HK1: variants seen among roughly 807,000 people sequenced by gnomAD.
The protein encoded by HK1 is hexokinase-1.
In HK1, 28 loss-of-function variants were observed where a neutral mutation model predicts 91.6. The observed-to-expected ratio is 0.31, with a 90% CI of 0.23 to 0.42. The LOEUF (loss-of-function observed/expected upper bound fraction) is 0.42, where lower values mean the gene tolerates loss of function less well. Ranked by LOEUF, HK1 falls within the 10% of genes least tolerant of loss-of-function variation. The probability of loss-of-function intolerance (pLI) is 1.00; values close to 1 mark genes in which losing one functional copy is unlikely to be tolerated. For synonymous variants in HK1, 430 were observed against 468.1 expected (o/e 0.92, Z 1.05); for missense variants, 770 against 1,219.8 (o/e 0.63, Z 5.49).
At chr10:69,367,280 C>T (rs1454724751) in intron 4 of HK1, among the ~76,000 whole-genome samples, 1 of 152,192 alleles carries the variant, frequency 6.6e-6, no homozygotes, top group Non-Finnish European at 1.5e-5. Flanking sequence ...CCCTCAATTT[C>T]CCATCCAGAG....
Position 69,382,548 on chromosome 10 carries a change from C to A in HK1, c.1327C>A (p.Leu443Ile), listed in dbSNP as rs774586043. Residue 443 changes from leucine (L) to isoleucine (I), a missense_variant, in exon 10 of 18, where the codon CTC becomes ATC. By Grantham distance (5) the Leu-to-Ile change is conservative. Coordinates refer to ENST00000359426, the MANE Select transcript of HK1 (RefSeq NM_000188.3). ...GGTGCCAGACTCCGATGTGCGCTTCCTCCTCTCGGAGAGTGGCAGCGGCAA... is the reference window on the plus strand; with the variant it reads ...GGTGCCAGACTCCGATGTGCGCTTCATCCTCTCGGAGAGTGGCAGCGGCAA... ...RLVPDSDVRFLLSESGSGKGA... is the reference protein window; with the variant it reads ...RLVPDSDVRFILSESGSGKGA... 6.2e-7 allele frequency: 1 copy of A among 1,614,210 alleles called. No individual in the cohort carries two copies. The highest frequency in any genetic ancestry group is 1.7e-5 in the Admixed American group (1 of 60,028).
intron 2 of HK1, among the ~76,000 whole-genome samples, chr10:69,355,680 T>C (rs973383580): frequency 3.9e-5 from 6 of 152,076 alleles, no homozygotes; most frequent in Non-Finnish European, 8.8e-5. Flanking sequence ...TAATCCTAGC[T>C]ACTTGGGAGG....
chr10:69,283,174 C>T (rs111866111), intron 2 of HK1, among the ~76,000 whole-genome samples: 15,219 of 140,724 alleles, frequency 0.11, 1,589 homozygotes, highest in African/African-American at 0.27. Flanking sequence ...TGGCAGGGTG[C>T]GGTGGCTCAC....
chr10:69,273,708 C>T (rs1192448691), intron 1 of HK1, among the ~76,000 whole-genome samples: 1 of 152,200 alleles, frequency 6.6e-6, no homozygotes, highest in African/African-American at 2.4e-5. Context: ...TTTTTTTCTG[C>T]TGTGGCCAAC....
intron 3 of HK1, among the ~76,000 whole-genome samples, chr10:69,293,855 C>CTTTTTTTTTTTTTTTTTTTT (rs34434447): frequency 1.0e-5 from 1 of 98,980 alleles, no homozygotes; most frequent in African/African-American, 4.1e-5. Flanking sequence ...ATATTTCTTT[C>CTTTTTTTTTTTTTTTTTTTT]TTTTTTTTTT....
rs895258156 is a variant in HK1, at chr10:69,380,802, C to G, written c.1265+707C>G. 6.6e-6 allele frequency among the ~76,000 whole-genome samples: 1 copy of G among 152,136 alleles called. No homozygotes were observed. Among genetic ancestry groups the G allele is most frequent in the Admixed American group, 6.5e-5 (1 of 15,274 alleles). ...GCCATGTTGTCCTGTGAGAACGTGG[C>G]TTATACTTTTTTTAAAAGGCTAAAG... On this transcript the variant is annotated intron_variant, in intron 9 of 17. Coordinates refer to ENST00000359426, the MANE Select transcript of HK1 (RefSeq NM_000188.3). The surrounding 1 kb of genome is among the most constrained non-coding windows in gnomAD (Gnocchi z 4.0).
In HK1 at chr10:69,369,911, T is replaced by C. The variant is rs1249542214; in HGVS notation, c.875+287T>C. 6.6e-6 allele frequency among the ~76,000 whole-genome samples: 1 copy of C among 152,142 alleles called. No individual in the cohort carries two copies. Among genetic ancestry groups the C allele is most frequent in the Non-Finnish European group, 1.5e-5 (1 of 68,028 alleles). On this transcript the variant is annotated intron_variant, in intron 7 of 17. Coordinates refer to ENST00000359426, the MANE Select transcript of HK1 (RefSeq NM_000188.3). The surrounding 1 kb of genome is among the most constrained non-coding windows in gnomAD (Gnocchi z 4.4). ...CATCACCATGCCCAGCTAATTTTTG[T>C]ATTTTTAGTAGAGACAGAGTTTCAC... is the stretch of plus-strand genomic sequence containing the variant.
In HK1 at chr10:69,379,959, A is replaced by C. The variant is rs754185312; in HGVS notation, c.1129A>C (p.Ile377Leu). ...TGTCTCAGTCCAGCACGTTTGCACCATTGTCTCATTTCGCTCAGCCAACTT... is the reference window on the plus strand; with the variant it reads ...TGTCTCAGTCCAGCACGTTTGCACCCTTGTCTCATTTCGCTCAGCCAACTT... ...DCVSVQHVCT[I>L]VSFRSANLVA... Residue 377 changes from isoleucine (I) to leucine (L), a missense_variant, in exon 9 of 18, where the codon ATT becomes CTT. Ile to Leu is a conservative substitution (Grantham distance 5). Coordinates refer to ENST00000359426, the MANE Select transcript of HK1 (RefSeq NM_000188.3). The C allele has an allele frequency of 3.1e-6, 5 of 1,614,170 alleles. No homozygotes were observed. The highest frequency in any genetic ancestry group is 4.2e-6 in the Non-Finnish European group (5 of 1,180,024).
intron 9 of HK1, among the ~76,000 whole-genome samples, chr10:69,381,295 AAGAG>A (rs894096064): frequency 2.6e-5 from 4 of 152,154 alleles, no homozygotes; most frequent in African/African-American, 9.7e-5. Context: ...CAAAAAAAGA[AAGAG>A]AGAGAAATAG....
chr10:69,276,103 AAAAAAAAAAAAAAAAATAC>A lies in HK1; in HGVS notation c.-391+5997_-391+6015del, dbSNP rs2132410714. Among the ~76,000 whole-genome samples the A allele has an allele frequency of 3.6e-5, 2 of 54,806 alleles. 1 individual carries two copies. Among genetic ancestry groups the A allele is most frequent in the South Asian group, 1.3e-3 (2 of 1,514 alleles). The allele number at this position is 54,806 out of a possible 152,430, so 36.0% of individuals were successfully genotyped here. A position where few individuals can be genotyped will look rare whatever the true frequency, so the allele number is the denominator to read the frequency against. On this transcript the variant is annotated intron_variant, in intron 1 of 21. Coordinates refer to the HK1 transcript ENST00000360289. Reference sequence around the variant, plus strand: ...AAAACTCCTTTTCAAAAAAAAAAAAAAAAAAAAAAAAAAAAATACATATATATATATATATACACATATA... The same window carrying A: ...AAAACTCCTTTTCAAAAAAAAAAAAAATATATATATATATATACACATATA...
At chr10:69,325,329 G>T (rs569464239) in intron 1 of HK1, among the ~76,000 whole-genome samples, 1 of 150,768 alleles carries the variant, frequency 6.6e-6, no homozygotes, top group East Asian at 2.0e-4. Flanking sequence ...GGGATTACAG[G>T]TGTGAGCCAC....
At chr10:69,374,397 T>TG (rs1291878375) in intron 7 of HK1, among the ~76,000 whole-genome samples, 1 of 152,232 alleles carries the variant, frequency 6.6e-6, no homozygotes, top group African/African-American at 2.4e-5. Context: ...ACTGCCTGTC[T>TG]GTGGTCGTAG....
At chr10:69,349,359 CTT>C (rs1848725496) in intron 2 of HK1, among the ~76,000 whole-genome samples, 1 of 152,112 alleles carries the variant, frequency 6.6e-6, no homozygotes, top group Admixed American at 6.6e-5. Flanking sequence ...AAATGAGAGT[CTT>C]TGGAAACTGC....
upstream of HK1, chr10:69,318,750 C>A: frequency 1.9e-6 from 2 of 1,066,406 alleles, no homozygotes; most frequent in Non-Finnish European, 2.5e-6. Flanking sequence ...GGTCGGCTGG[C>A]GGCTGTCACC....
chr10:69,339,011 G>A (rs1443158031), intron 1 of HK1, among the ~76,000 whole-genome samples: 5 of 152,130 alleles, frequency 3.3e-5, no homozygotes, highest in African/African-American at 9.7e-5. Context: ...TCAACCCACT[G>A]CCCATTCCCA....
At chr10:69,360,141 T>C (rs1347003820) in intron 3 of HK1, 96 bp downstream of exon 3, 3 of 1,208,432 alleles carry the variant, frequency 2.5e-6, no homozygotes, top group South Asian at 1.2e-5. Flanking sequence ...CCCAAGCCCC[T>C]GGAAGAGGGT....
chr10:69,306,604 T>C (rs953672861), intron 5 of HK1, among the ~76,000 whole-genome samples: 1 of 152,140 alleles, frequency 6.6e-6, no homozygotes, highest in African/African-American at 2.4e-5. Flanking sequence ...CATTTTTACA[T>C]AAGTAAAGTA....
intron 2 of HK1, among the ~76,000 whole-genome samples, chr10:69,354,201 G>A (rs1258973398): frequency 2.0e-5 from 3 of 151,592 alleles, no homozygotes; most frequent in Non-Finnish European, 4.4e-5. Flanking sequence ...ACATACTCTG[G>A]TTTTTCCTCT....
intron 1 of HK1, among the ~76,000 whole-genome samples, chr10:69,339,220 T>C (rs1848174707): frequency 6.6e-6 from 1 of 152,256 alleles, no homozygotes; most frequent in African/African-American, 2.4e-5. Flanking sequence ...GCATGTCTGC[T>C]GAGTCCTGCA....
Sources: gnomAD v4.1 joint callset for allele counts (sites outside exome capture counted in the v4.1 genomes callset) on GRCh38, gnomAD v4.1.1 for gene constraint, Gnocchi (gnomAD v3.1) non-coding constraint, MANE v1.5 for transcripts, NCBI Gene and HGNC (gene_info 2026-07-23, HGNC 2026-07-21) for gene names.